CSMD1: variants seen among roughly 807,000 people sequenced by gnomAD.
CSMD1 encodes the protein CUB and Sushi multiple domains 1, also known as CUB and sushi domain-containing protein 1.
Under a neutral mutation model 417.5 loss-of-function variants are expected in CSMD1, and 213 were observed. The observed-to-expected ratio is 0.51, with a 90% CI of 0.46 to 0.57. The LOEUF is 0.57. Among genes scored for constraint, CSMD1 ranks in the 20% least tolerant of loss-of-function variants. The pLI, the probability that CSMD1 is intolerant of heterozygous loss-of-function variation, is 0.00. For missense variants in CSMD1, 6,923 were observed against 4,529.7 expected (o/e 1.53, Z -15.17); for synonymous variants, 2,862 against 1,736.8 (o/e 1.65, Z -16.11).
rs532211408 is a variant in CSMD1, at chr8:4,673,820, G to A, written c.86-36262C>T. ...TGTTCAGAATACATATATCCACAGA[G>A]ACTAAAAGCAATTGAGTGCTTGCCA... On this transcript the variant is annotated intron_variant, in intron 1 of 69. Transcript: ENST00000635120. Among the ~76,000 whole-genome samples the A allele has an allele frequency of 1.8e-4, 28 of 152,256 alleles. No individual in the cohort carries two copies. The South Asian group carries it at 2.3e-3, about 12-fold the overall frequency.
intron 5 of CSMD1, among the ~76,000 whole-genome samples, chr8:3,896,914 A>T (rs1807409505): frequency 6.6e-6 from 1 of 152,024 alleles, no homozygotes; most frequent in South Asian, 2.1e-4. Flanking sequence ...CTCCAATAAC[A>T]ACCTCTATCT....
intron 8 of CSMD1, among the ~76,000 whole-genome samples, chr8:3,606,842 C>G (rs1256941177): frequency 1.3e-5 from 2 of 151,834 alleles, no homozygotes; most frequent in East Asian, 1.9e-4. Flanking sequence ...TCCCAAGAAG[C>G]TGGGACTACA....
At chr8:4,040,688 G>C (rs1797842411) in intron 3 of CSMD1, among the ~76,000 whole-genome samples, 1 of 152,094 alleles carries the variant, frequency 6.6e-6, no homozygotes, top group Admixed American at 6.6e-5. Context: ...AAGCTCTCGA[G>C]GCAAATTCAT....
At chr8:3,579,077 T>C (rs556224944) in intron 9 of CSMD1, among the ~76,000 whole-genome samples, 1 of 152,354 alleles carries the variant, frequency 6.6e-6, no homozygotes, top group Admixed American at 6.5e-5. Context: ...TACGACCTAA[T>C]GTACACCTGA....
intron 26 of CSMD1, among the ~76,000 whole-genome samples, chr8:3,283,861 T>G (rs915081186): frequency 6.6e-6 from 1 of 152,250 alleles, no homozygotes; most frequent in South Asian, 2.1e-4. Flanking sequence ...TCTCTTTCTT[T>G]GGGTCTTCAT....
rs185415407 is a variant in CSMD1, at chr8:3,723,375, T to G, written c.932-14884A>C. On this transcript the variant is annotated intron_variant, in intron 6 of 69. Coordinates refer to ENST00000635120, the MANE Select transcript of CSMD1 (RefSeq NM_033225.6). ...CACCATCTCCCTTTCTTAAAGTCAATTGAGCCATAAGCTAATCATAGGACA... is the reference window on the plus strand; with the variant it reads ...CACCATCTCCCTTTCTTAAAGTCAAGTGAGCCATAAGCTAATCATAGGACA... Among the ~76,000 whole-genome samples, 47 of 152,290 alleles carry G rather than the reference T, an allele frequency of 3.1e-4. No individual in the cohort carries two copies. The South Asian group carries it at 7.0e-3, about 23-fold the overall frequency.
Position 3,729,326 on chromosome 8 carries a change from T to C in CSMD1, c.932-20835A>G, listed in dbSNP as rs149611377. On this transcript the variant is annotated intron_variant, in intron 6 of 69. Transcript: ENST00000635120. ...GGGCAGATGCTGTCTGAGGGTGGGCTTCGGAGTGAGACTTTGCCAGTCTAG... is the reference window on the plus strand; with the variant it reads ...GGGCAGATGCTGTCTGAGGGTGGGCCTCGGAGTGAGACTTTGCCAGTCTAG... Among the ~76,000 whole-genome samples, 5 of 152,278 alleles carry C rather than the reference T, an allele frequency of 3.3e-5. No individual in the cohort carries two copies. In the East Asian group the frequency reaches 7.7e-4, roughly 24 times the overall value.
chr8:3,643,898 G>T (rs1388115363), intron 7 of CSMD1, among the ~76,000 whole-genome samples: 2 of 152,020 alleles, frequency 1.3e-5, no homozygotes, highest in African/African-American at 4.8e-5. Flanking sequence ...TTGCTATCTG[G>T]GCAAGAGATG....
intron 8 of CSMD1, among the ~76,000 whole-genome samples, chr8:3,607,126 T>G (rs1801656982): frequency 6.6e-6 from 1 of 152,192 alleles, no homozygotes. Flanking sequence ...TTCACAAGCT[T>G]TTTTCTATTG....
chr8:3,974,295 C>G (rs1260045505), intron 5 of CSMD1, among the ~76,000 whole-genome samples: 1 of 151,372 alleles, frequency 6.6e-6, no homozygotes, highest in South Asian at 2.1e-4. Flanking sequence ...ATCTAGTATT[C>G]TTTTTTGATT....
intron 35 of CSMD1, among the ~76,000 whole-genome samples, chr8:3,188,262 A>C (rs560595686): frequency 1.3e-5 from 2 of 149,072 alleles, no homozygotes; most frequent in South Asian, 2.1e-4. Context: ...AAAACAAAAC[A>C]AACCATGAAA....
intron 3 of CSMD1, among the ~76,000 whole-genome samples, chr8:4,404,793 C>G (rs1187348377): frequency 1.3e-5 from 2 of 152,032 alleles, no homozygotes; most frequent in South Asian, 2.1e-4. Context: ...AAGACTTGAA[C>G]TAAATATGTT....
intron 23 of CSMD1, 70 bp downstream of exon 23, chr8:3,343,224 A>G (rs1309760420): frequency 2.2e-6 from 3 of 1,362,936 alleles, no homozygotes; most frequent in Non-Finnish European, 3.1e-6. Flanking sequence ...TTAAAACTTA[A>G]TATAAGCCAA....
rs376173533 is a variant in CSMD1 at position 4,470,856 on chromosome 8, G to C, written c.303-50791C>G. On this transcript the variant is annotated intron_variant, in intron 2 of 69. Coordinates refer to ENST00000635120, the MANE Select transcript of CSMD1 (RefSeq NM_033225.6). Reference sequence around the variant, plus strand: ...TCTCTGGGCTTCTTTGATTTTTTTTGAGTTATGTAAAACTGAATTATTTTT... The same window carrying C: ...TCTCTGGGCTTCTTTGATTTTTTTTCAGTTATGTAAAACTGAATTATTTTT... Among the ~76,000 whole-genome samples, 17 of 152,006 alleles carry C rather than the reference G, an allele frequency of 1.1e-4. No homozygotes were observed. In the East Asian group the frequency reaches 2.3e-3, roughly 21 times the overall value.
At chr8:4,191,572 C>T (rs751080610) in intron 3 of CSMD1, among the ~76,000 whole-genome samples, 6 of 152,034 alleles carry the variant, frequency 3.9e-5, no homozygotes, top group Non-Finnish European at 8.8e-5. Context: ...TGTACTTCAT[C>T]CATGAATCAC....
chr8:3,407,689 G>A (rs907134386), intron 14 of CSMD1, among the ~76,000 whole-genome samples: 5 of 152,172 alleles, frequency 3.3e-5, no homozygotes, highest in African/African-American at 1.2e-4. Flanking sequence ...TCTTAGTTTA[G>A]GAGTGATGAA....
intron 3 of CSMD1, among the ~76,000 whole-genome samples, chr8:4,209,361 C>T (rs1244212009): frequency 6.6e-6 from 1 of 152,142 alleles, no homozygotes; most frequent in Non-Finnish European, 1.5e-5. Context: ...TTCCAAAGGA[C>T]ACATAGATTC....
At chr8:3,344,453 G>A (rs71521843) in intron 22 of CSMD1, among the ~76,000 whole-genome samples, 17,442 of 152,082 alleles carry the variant, frequency 0.11, 1,373 homozygotes, top group African/African-American at 0.22. Context: ...CAGAGCTTAA[G>A]ATAAAATAAA....
intron 3 of CSMD1, among the ~76,000 whole-genome samples, chr8:4,098,888 G>C (rs4513999): frequency 6.6e-6 from 1 of 152,122 alleles, no homozygotes; most frequent in Non-Finnish European, 1.5e-5. Flanking sequence ...AAAGCACTGA[G>C]GACCAACTGT....
Sources: gnomAD v4.1 joint callset for allele counts (sites outside exome capture counted in the v4.1 genomes callset) on GRCh38, gnomAD v4.1.1 for gene constraint, MANE v1.5 for transcripts, NCBI Gene and HGNC (gene_info 2026-07-23, HGNC 2026-07-21) for gene names.